The following MIER2 variants were observed in gnomAD, a reference collection of about 807,000 sequenced individuals.
The protein encoded by MIER2 is MIER family member 2, also known as mesoderm induction early response protein 2.
Under a neutral mutation model 67.6 loss-of-function variants are expected in MIER2, and 30 were observed. The ratio of observed to expected loss-of-function variants is 0.44; its 90% CI spans 0.33 to 0.60. MIER2 has a LOEUF of 0.60. MIER2 is among the 20% of genes least tolerant of loss of function. The pLI, the probability that MIER2 is intolerant of heterozygous loss-of-function variation, is 0.02. For missense variants in MIER2, 702 were observed against 745.1 expected (o/e 0.94, Z 0.67); for synonymous variants, 372 against 312.6 (o/e 1.19, Z -2.00).
intron 7 of MIER2, among the ~76,000 whole-genome samples, chr19:314,450 C>T (rs532836527): frequency 1.3e-5 from 2 of 152,338 alleles, no homozygotes; most frequent in South Asian, 4.1e-4. Flanking sequence ...GAAAGAGGCA[C>T]AGGATCCCAA....
At chr19:312,458 T>C (rs1971063813) in intron 8 of MIER2, among the ~76,000 whole-genome samples, 186 bp from the exon 9 acceptor site, 1 of 89,364 alleles carries the variant, frequency 1.1e-5, no homozygotes, top group Non-Finnish European at 2.2e-5. Context: ...TCCTGGGCGA[T>C]GTCAGGGCCA....
At position 311,851 on chromosome 19, in the gene MIER2, G is replaced by T. The variant is rs1338499562; in HGVS notation, c.978C>A (p.Ala326=). 2.5e-6 allele frequency: 4 copies of T among 1,613,914 alleles called. No homozygotes were observed. Among genetic ancestry groups the T allele is most frequent in the Non-Finnish European group, 3.4e-6 (4 of 1,179,930 alleles). Residue 326 remains alanine, a synonymous_variant, in exon 10 of 14, where the codon GCC becomes GCA. Transcript: ENST00000264819. ...VHGKNFHLIQ[A]NKVRTRSVGE... is the part of the protein sequence containing the mutation. ...CTGGCAGTGGAGTCCGCACCTTGTT[G>T]GCCTGGATCAGGTGAAAGTTCTTTC...
At chr19:335,928 C>A (rs1972231371) in intron 2 of MIER2, among the ~76,000 whole-genome samples, 155 bp downstream of exon 2, 1 of 152,162 alleles carries the variant, frequency 6.6e-6, no homozygotes, top group African/African-American at 2.4e-5. Flanking sequence ...CCACTCTGCC[C>A]CACAGCTCCA....
At chr19:313,780 G>A (rs973807417) in intron 7 of MIER2, 137 bp from the exon 8 acceptor site, 38 of 1,241,942 alleles carry the variant, frequency 3.1e-5, no homozygotes, top group African/African-American at 3.0e-4. Context: ...GCCCTGGGCC[G>A]CCATCCCTGT....
chr19:307,354 C>A lies in MIER2; in HGVS notation c.1381G>T (p.Ala461Ser). Residue 461 changes from alanine (A) to serine (S), a missense_variant, in exon 13 of 14, where the codon GCT (alanine) becomes TCT (serine). Ala to Ser is a moderately conservative substitution (Grantham distance 99). Around this residue, in one of 3 missense-constraint regions of MIER2, gnomAD observed 254 missense variants for 262.8 expected, o/e 0.97. Coordinates refer to ENST00000264819, the MANE Select transcript of MIER2 (RefSeq NM_017550.3). ...DPASYQPAVT[A>S]PEPDASPRLA... is the part of the protein sequence containing the mutation. Reference sequence around the variant, plus strand: ...CTTGGGCTGGCGTCTGGCTCCGGAGCAGTGACAGCTGGCTGGTATGAGGCT... The same window carrying A: ...CTTGGGCTGGCGTCTGGCTCCGGAGAAGTGACAGCTGGCTGGTATGAGGCT... The A allele has an allele frequency of 6.2e-7, 1 of 1,605,582 alleles. No individual in the cohort carries two copies. The highest frequency in any genetic ancestry group is 1.1e-5 in the South Asian group (1 of 89,314).
chr19:323,895 C>T (rs1177551415), intron 7 of MIER2, among the ~76,000 whole-genome samples: 1 of 151,832 alleles, frequency 6.6e-6, no homozygotes, highest in African/African-American at 2.4e-5. Context: ...ACACACACAA[C>T]CACACAGACG....
At chr19:338,944 C>G (rs2121143) in intron 1 of MIER2, among the ~76,000 whole-genome samples, 5 of 151,940 alleles carry the variant, frequency 3.3e-5, no homozygotes, top group Non-Finnish European at 7.4e-5. Context: ...GCCAAAACCA[C>G]ACAACTTTTC....
At chr19:332,364 C>A (rs937909291) in intron 3 of MIER2, among the ~76,000 whole-genome samples, 15 of 151,842 alleles carry the variant, frequency 9.9e-5, no homozygotes, top group Non-Finnish European at 4.4e-5. Context: ...GTGCAATGGC[C>A]TGATCTCGGC....
intron 2 of MIER2, 116 bp downstream of exon 2, chr19:335,966 TG>T: frequency 1.0e-6 from 1 of 981,192 alleles, no homozygotes; most frequent in Non-Finnish European, 1.6e-6. Flanking sequence ...TGGGACACCC[TG>T]GACTCTGGAA....
At chr19:306,810 T>C (rs1970672737) in intron 13 of MIER2, 99 bp from the exon 14 acceptor site, 2 of 1,532,750 alleles carry the variant, frequency 1.3e-6, no homozygotes, top group Non-Finnish European at 1.8e-6. Flanking sequence ...CTCCCAGCCT[T>C]GCCTCCCCCA....
At position 306,623 on chromosome 19, in the gene MIER2, G is replaced by C; in HGVS notation, c.*67C>G. 1 of 1,548,112 alleles carries C rather than the reference G, an allele frequency of 6.5e-7. No individual in the cohort carries two copies. The highest frequency in any genetic ancestry group is 2.4e-5 in the East Asian group (1 of 40,882). On this transcript the variant is annotated 3_prime_UTR_variant, in exon 14 of 14. Coordinates refer to ENST00000264819, the MANE Select transcript of MIER2 (RefSeq NM_017550.3). Reference sequence around the variant, plus strand: ...GGGTGGGGAAGGGGTCAGGAAGACTGACAGAGGCGGGCCCAGCGGCAGCGC... The same window carrying C: ...GGGTGGGGAAGGGGTCAGGAAGACTCACAGAGGCGGGCCCAGCGGCAGCGC...
At position 313,507 on chromosome 19, in the gene MIER2, C is replaced by G; in HGVS notation, c.792G>C (p.Val264=). The G allele has an allele frequency of 1.1e-5, 17 of 1,612,274 alleles. No individual in the cohort carries two copies. Among genetic ancestry groups the G allele is most frequent in the Non-Finnish European group, 1.4e-5 (17 of 1,179,834 alleles). ...CAGCCCCCACCTGCTCACTGTCTTT[C>G]ACGGCTTCTCCCTCTGGGAGCTGAG... The part of the protein sequence containing the change: ...AGPQLPEGEA[V]KDSEQALYEL... The change falls in exon 8 of 14, where the codon GTG becomes GTC. Residue 264 remains valine, a synonymous_variant. Coordinates refer to ENST00000264819, the MANE Select transcript of MIER2 (RefSeq NM_017550.3).
intron 3 of MIER2, among the ~76,000 whole-genome samples, chr19:332,143 C>T (rs1972057394): frequency 6.6e-6 from 1 of 151,950 alleles, no homozygotes; most frequent in South Asian, 2.1e-4. Flanking sequence ...ATTCAGCCTC[C>T]TGAGTAGCTA....
At position 307,488 on chromosome 19, in the gene MIER2, A is replaced by T. The variant is rs779197067; in HGVS notation, c.1247T>A (p.Val416Glu). 1.3e-6 allele frequency: 2 copies of T among 1,529,064 alleles called. No homozygotes were observed. The highest frequency in any genetic ancestry group is 1.7e-6 in the Non-Finnish European group (2 of 1,142,864). 94.7% of individuals were successfully genotyped at this position (1,529,064 alleles called of 1,614,324 possible). A position where few individuals can be genotyped will look rare whatever the true frequency, so the allele number is the denominator to read the frequency against. Residue 416 changes from valine to glutamate, a missense_variant, in exon 13 of 14, where the codon GTG becomes GAG. By Grantham distance (121) the Val-to-Glu change is moderately radical (BLOSUM62 -2). Around this residue, in one of 3 missense-constraint regions of MIER2, gnomAD observed 254 missense variants for 262.8 expected, o/e 0.97. Transcript: ENST00000264819. ...CGAGGACGGGAGTCCATCAGAGGCCACTCCGGGCTCATCGAGACCACCGGC... is the reference window on the plus strand; with the variant it reads ...CGAGGACGGGAGTCCATCAGAGGCCTCTCCGGGCTCATCGAGACCACCGGC... Reference protein sequence around the residue: ...GTAGGLDEPGVASDGLPSSEP... With the variant: ...GTAGGLDEPGEASDGLPSSEP...
At chr19:336,814 A>G (rs956978059) in intron 1 of MIER2, among the ~76,000 whole-genome samples, 3 of 152,154 alleles carry the variant, frequency 2.0e-5, no homozygotes, top group South Asian at 2.1e-4. Context: ...AAACAAAACC[A>G]TTATAAGTTA....
At position 308,101 on chromosome 19, in the gene MIER2, C is replaced by G. The variant is rs1444105772; in HGVS notation, c.1198+476G>C. 6.6e-6 allele frequency among the ~76,000 whole-genome samples: 1 copy of G among 152,172 alleles called. No homozygotes were observed. Among genetic ancestry groups the G allele is most frequent in the Non-Finnish European group, 1.5e-5 (1 of 68,014 alleles). Reference sequence around the variant, plus strand: ...TCGTTTGCACCCTCCCCGTGTGGGTCTCCACCTTCGGACGCCACATCAGAC... The same window carrying G: ...TCGTTTGCACCCTCCCCGTGTGGGTGTCCACCTTCGGACGCCACATCAGAC... On this transcript the variant is annotated intron_variant, in intron 12 of 13. Coordinates refer to ENST00000264819, the MANE Select transcript of MIER2 (RefSeq NM_017550.3). The surrounding 1 kb of genome is among the most constrained non-coding windows in gnomAD (Gnocchi z 9.1).
chr19:310,956 C>T (rs1970973960), intron 10 of MIER2, among the ~76,000 whole-genome samples: 1 of 152,256 alleles, frequency 6.6e-6, no homozygotes, highest in African/African-American at 2.4e-5. Context: ...CCAATCAAAA[C>T]ACCACGTGGT....
At chr19:317,717 T>A (rs1329320263) in intron 7 of MIER2, among the ~76,000 whole-genome samples, 5 of 126,854 alleles carry the variant, frequency 3.9e-5, no homozygotes, top group Non-Finnish European at 6.5e-5. Context: ...GCAATGAGAG[T>A]GAGACTCTGT....
At chr19:317,634 G>A (rs1208832339) in intron 7 of MIER2, among the ~76,000 whole-genome samples, 1 of 150,964 alleles carries the variant, frequency 6.6e-6, no homozygotes, top group Non-Finnish European at 1.5e-5. Flanking sequence ...GGAGGCTAAG[G>A]TAGGAGAATC....
Sources: allele counts gnomAD v4.1 joint callset (sites outside exome capture counted in the v4.1 genomes callset), GRCh38; gene constraint gnomAD v4.1.1; regional missense constraint gnomAD v4.1.1; non-coding constraint Gnocchi (gnomAD v3.1); transcripts MANE v1.5; gene names NCBI Gene and HGNC (gene_info 2026-07-23, HGNC 2026-07-21).